CDH23: variants seen among roughly 807,000 people sequenced by gnomAD.
The protein encoded by CDH23 is cadherin related 23.
CDH23 carries 189 observed loss-of-function variants against 317.1 expected under a neutral mutation model. The ratio of observed to expected loss-of-function variants is 0.60; its 90% CI spans 0.53 to 0.67. The LOEUF is 0.67. Ranked by LOEUF, CDH23 falls within the 30% of genes least tolerant of loss-of-function variation. The pLI is 0.00. For missense variants in CDH23, 4,401 were observed against 4,592.4 expected (o/e 0.96, Z 1.20); for synonymous variants, 1,839 against 1,876.8 (o/e 0.98, Z 0.52).
chr10:71,700,812 C>T (rs761942246), intron 22 of CDH23, among the ~76,000 whole-genome samples: 16 of 152,176 alleles, frequency 1.1e-4, no homozygotes, highest in Non-Finnish European at 2.2e-4. Flanking sequence ...TGGACAGGGG[C>T]AGATGGGAGT....
At chr10:71,770,232 C>T (rs889986123) in intron 38 of CDH23, among the ~76,000 whole-genome samples, 12 of 152,216 alleles carry the variant, frequency 7.9e-5, no homozygotes, top group African/African-American at 2.4e-4. Context: ...CACGAGGAGC[C>T]GGGTGCTGTG....
chr10:71,399,699 A>C (rs1847694544), intron 1 of CDH23, among the ~76,000 whole-genome samples: 1 of 152,122 alleles, frequency 6.6e-6, no homozygotes, highest in Non-Finnish European at 1.5e-5. Context: ...CAGGAGTTCA[A>C]GGCTGTAGTG....
chr10:71,656,755 G>A (rs979169557), intron 14 of CDH23, among the ~76,000 whole-genome samples: 9 of 152,160 alleles, frequency 5.9e-5, no homozygotes, highest in Admixed American at 4.6e-4. Flanking sequence ...AGGGATGCAG[G>A]TGAAAGACCC....
chr10:71,648,576 G>C (rs1348975914), intron 14 of CDH23, among the ~76,000 whole-genome samples: 9 of 152,178 alleles, frequency 5.9e-5, no homozygotes, highest in African/African-American at 2.2e-4. Context: ...TATAGAGCCG[G>C]GAGGAGATGT....
intron 14 of CDH23, among the ~76,000 whole-genome samples, chr10:71,654,965 T>C (rs1407741983): frequency 6.6e-6 from 1 of 152,134 alleles, no homozygotes; most frequent in Non-Finnish European, 1.5e-5. Context: ...CAGCTGTCAA[T>C]GGAGAGAACG....
intron 11 of CDH23, chr10:71,635,245 G>T (rs925709313): frequency 6.5e-6 from 1 of 152,682 alleles, no homozygotes; most frequent in Non-Finnish European, 1.5e-5. Context: ...CAGGAGAACG[G>T]AGGCTGGCTT....
Position 71,590,879 on chromosome 10 carries a change from A to AAAAAC in CDH23, c.832+12891_832+12892insCAAAA, listed in dbSNP as rs1564673749. 1.0e-3 allele frequency among the ~76,000 whole-genome samples: 136 copies of AAAAAC among 132,132 alleles called. 1 individual carries two copies. Among genetic ancestry groups the AAAAAC allele is most frequent in the Non-Finnish European group, 1.5e-3 (93 of 63,918 alleles). The allele number at this position is 132,132 out of a possible 152,430, so 86.7% of individuals were successfully genotyped here. On this transcript the variant is annotated intron_variant, in intron 9 of 69. Transcript: ENST00000224721. ...CAGAGTGAGACCCTGTCTCTAAAAAAAAAAAAACAAAAAAAAACAAAAAAA... is the reference window on the plus strand; with the variant it reads ...CAGAGTGAGACCCTGTCTCTAAAAAAAAAACAAAAAAACAAAAAAAAACAAAAAAA...
chr10:71,809,300 T>C (rs1190340450), intron 60 of CDH23, among the ~76,000 whole-genome samples: 1 of 148,806 alleles, frequency 6.7e-6, no homozygotes, highest in African/African-American at 2.5e-5. Context: ...TGCCTCAGCC[T>C]GCCAAGTAGC....
At chr10:71,726,756 G>A (rs1866829503) in intron 30 of CDH23, among the ~76,000 whole-genome samples, 1 of 152,234 alleles carries the variant, frequency 6.6e-6, no homozygotes, top group South Asian at 2.1e-4. Flanking sequence ...AGTGACTGAT[G>A]TCAGCGAAGC....
chr10:71,687,951 T>C (rs542047880), intron 19 of CDH23, among the ~76,000 whole-genome samples: 8 of 152,324 alleles, frequency 5.3e-5, no homozygotes, highest in Admixed American at 1.3e-4. Flanking sequence ...TGCTGGGCAC[T>C]TGGTTCCTGC....
chr10:71,751,937 C>G lies in CDH23; in HGVS notation c.4845+10016C>G. 2 of 1,416,846 alleles carry G rather than the reference C, an allele frequency of 1.4e-6. No individual in the cohort carries two copies. Among genetic ancestry groups the G allele is most frequent in the Non-Finnish European group, 1.9e-6 (2 of 1,036,978 alleles). The allele number at this position is 1,416,846 out of a possible 1,614,324, so 87.8% of individuals were successfully genotyped here. ...TCTGCCCTCCCTGCCCCCAGTTTTT[C>G]TCTCCTCCCTTTCTCTCACCTACAT... is the stretch of plus-strand genomic sequence containing the variant. On this transcript the variant is annotated intron_variant, in intron 38 of 69. Transcript: ENST00000224721. This position sits in a 1 kb window ranked among gnomAD's most constrained non-coding sequence, Gnocchi z 4.9.
chr10:71,778,385 A>T, intron 40 of CDH23, 77 bp downstream of exon 40: 1 of 1,573,612 alleles, frequency 6.4e-7, no homozygotes, highest in Non-Finnish European at 8.7e-7. Context: ...CCGATGCGGG[A>T]AGGGGTTAGG....
At chr10:71,565,233 T>C (rs1331504765) in intron 6 of CDH23, among the ~76,000 whole-genome samples, 1 of 151,936 alleles carries the variant, frequency 6.6e-6, no homozygotes, top group Non-Finnish European at 1.5e-5. Flanking sequence ...TAAGGGATGC[T>C]AAGGTACCCA....
chr10:71,443,574 T>C (rs1850003416), intron 2 of CDH23, among the ~76,000 whole-genome samples: 1 of 152,212 alleles, frequency 6.6e-6, no homozygotes, highest in Admixed American at 6.5e-5. Context: ...AGTTGGGGAA[T>C]GGCCATGGGG....
At chr10:71,562,306 T>TG (rs1468802981) in intron 6 of CDH23, among the ~76,000 whole-genome samples, 7 of 152,174 alleles carry the variant, frequency 4.6e-5, no homozygotes, top group African/African-American at 1.7e-4. Flanking sequence ...CACCTCCCCA[T>TG]GCGCATGCTG....
chr10:71,432,929 G>A (rs1045458049), intron 1 of CDH23, among the ~76,000 whole-genome samples: 3 of 152,184 alleles, frequency 2.0e-5, no homozygotes, highest in Non-Finnish European at 4.4e-5. Flanking sequence ...CTCCCCTGGT[G>A]TTTGCACCTG....
chr10:71,438,968 G>A (rs777458934), intron 1 of CDH23, among the ~76,000 whole-genome samples: 5 of 152,150 alleles, frequency 3.3e-5, no homozygotes, highest in African/African-American at 1.2e-4. Context: ...GTCACTGCTG[G>A]GCTCTAGGGA....
intron 6 of CDH23, among the ~76,000 whole-genome samples, chr10:71,533,483 A>G (rs1855516433): frequency 6.6e-6 from 1 of 151,948 alleles, no homozygotes; most frequent in Non-Finnish European, 1.5e-5. Context: ...TGAGGGAGAC[A>G]AGTAGAAACC....
intron 3 of CDH23, among the ~76,000 whole-genome samples, chr10:71,501,561 T>C (rs892773865): frequency 2.0e-5 from 3 of 152,120 alleles, no homozygotes; most frequent in African/African-American, 4.8e-5. Flanking sequence ...CAGGTGGAGA[T>C]ATTGGTGAAG....
Sources: gnomAD v4.1 joint callset for allele counts (sites outside exome capture counted in the v4.1 genomes callset) on GRCh38, gnomAD v4.1.1 for gene constraint, Gnocchi (gnomAD v3.1) non-coding constraint, MANE v1.5 for transcripts, NCBI Gene and HGNC (gene_info 2026-07-23, HGNC 2026-07-21) for gene names.